The following PTK2B variants were observed in gnomAD, a reference collection of about 807,000 sequenced individuals.
PTK2B encodes the protein protein tyrosine kinase 2 beta.
A neutral mutation model predicts 142.9 loss-of-function variants in PTK2B; 71 were observed. That is an observed-to-expected ratio of 0.50 (90% CI 0.41 to 0.61). The LOEUF is 0.61. Among genes scored for constraint, PTK2B ranks in the 20% least tolerant of loss-of-function variants. The probability of loss-of-function intolerance (pLI) is 0.00; values close to 1 mark genes in which losing one functional copy is unlikely to be tolerated. For synonymous variants in PTK2B, 519 were observed against 503.4 expected (o/e 1.03, Z -0.42); for missense variants, 1,105 against 1,320.4 (o/e 0.84, Z 2.53).
intron 30 of PTK2B, 69 bp downstream of exon 30, chr8:27,454,680 C>G (rs775017300): frequency 2.1e-4 from 325 of 1,518,990 alleles, no homozygotes; most frequent in Non-Finnish European, 2.7e-4. Flanking sequence ...TCATTAGAGG[C>G]TCATGATGGC....
chr8:27,336,984 C>G (rs1804107608), intron 1 of PTK2B, among the ~76,000 whole-genome samples: 1 of 148,660 alleles, frequency 6.7e-6, no homozygotes. Context: ...GTCCCCCCTC[C>G]CCCCGCCACT....
At chr8:27,419,841 T>C (rs1445122127) in intron 2 of PTK2B, 54 bp from the exon 3 acceptor site, 4 of 1,582,494 alleles carry the variant, frequency 2.5e-6, no homozygotes, top group Non-Finnish European at 3.5e-6. Context: ...GTGAGAATTA[T>C]GGGAGCCCAA....
At chr8:27,401,145 C>T (rs1808362237) in intron 2 of PTK2B, among the ~76,000 whole-genome samples, 1 of 152,056 alleles carries the variant, frequency 6.6e-6, no homozygotes, top group East Asian at 1.9e-4. Context: ...TCTCAAAAAA[C>T]AAAGAGATCC....
intron 1 of PTK2B, among the ~76,000 whole-genome samples, chr8:27,362,260 T>C (rs1335880725): frequency 6.6e-6 from 1 of 152,038 alleles, no homozygotes; most frequent in Admixed American, 6.5e-5. Context: ...CTCTCTCCCC[T>C]AGGCTGACCT....
At chr8:27,383,566 T>C (rs1807160403) in intron 1 of PTK2B, among the ~76,000 whole-genome samples, 4 of 152,124 alleles carry the variant, frequency 2.6e-5, no homozygotes. Flanking sequence ...GCCTCCTCTG[T>C]TTCTTTCATC....
At chr8:27,451,547 G>C (rs756326360) in intron 27 of PTK2B, 38 bp downstream of exon 27, 2 of 1,613,776 alleles carry the variant, frequency 1.2e-6, no homozygotes, top group East Asian at 2.2e-5. Flanking sequence ...GTTTCCTCTT[G>C]GCACCTTGTG....
At chr8:27,338,432 G>T (rs1204078336) in intron 1 of PTK2B, among the ~76,000 whole-genome samples, 1 of 151,980 alleles carries the variant, frequency 6.6e-6, no homozygotes, top group Non-Finnish European at 1.5e-5. Context: ...AGACAAATTG[G>T]ATGCAATATA....
chr8:27,326,428 C>A (rs1803424114), intron 1 of PTK2B, among the ~76,000 whole-genome samples: 2 of 152,196 alleles, frequency 1.3e-5, no homozygotes, highest in Non-Finnish European at 2.9e-5. Flanking sequence ...CTGCCACCTG[C>A]CCTAAGCCTC....
chr8:27,317,643 A>G (rs1323969691), intron 3 of PTK2B, among the ~76,000 whole-genome samples: 4 of 152,160 alleles, frequency 2.6e-5, no homozygotes, highest in Non-Finnish European at 5.9e-5. Context: ...GGCTTCATTA[A>G]GCTTACTTTT....
chr8:27,409,886 T>A (rs571000940), intron 2 of PTK2B, among the ~76,000 whole-genome samples: 1 of 152,206 alleles, frequency 6.6e-6, no homozygotes, highest in African/African-American at 2.4e-5. Context: ...CATGCCAGGC[T>A]AATTTTTGTA....
intron 1 of PTK2B, among the ~76,000 whole-genome samples, chr8:27,366,596 G>A (rs530962629): frequency 5.3e-5 from 8 of 152,224 alleles, no homozygotes; most frequent in East Asian, 1.9e-4. Context: ...ACCACTTGGC[G>A]TCTAGCTCCC....
At chr8:27,326,824 C>G (rs2322720) in intron 1 of PTK2B, 1 of 152,344 alleles carries the variant, frequency 6.6e-6, no homozygotes, top group Non-Finnish European at 1.5e-5. Flanking sequence ...CTGCAGTCAT[C>G]CATTCAGGAG....
intron 2 of PTK2B, among the ~76,000 whole-genome samples, chr8:27,418,224 G>C (rs543315891): frequency 1.7e-4 from 26 of 152,318 alleles, no homozygotes; most frequent in African/African-American, 5.8e-4. Context: ...TTCAGGCTGA[G>C]GGTCTTCTAG....
chr8:27,433,506 G>T lies in PTK2B; in HGVS notation c.1059G>T (p.Arg353=). The T allele has an allele frequency of 6.2e-7, 1 of 1,614,218 alleles. No homozygotes were observed. The highest frequency in any genetic ancestry group is 8.5e-7 in the Non-Finnish European group (1 of 1,180,008). The change falls in exon 11 of 31, where the codon CGG becomes CGT. Residue 353 remains arginine (R), a synonymous_variant. Coordinates refer to ENST00000346049, the MANE Select transcript of PTK2B (RefSeq NM_173176.3). ...NMADLIDGYC[R]LQGEHQGSLI... The stretch of plus-strand genomic sequence containing the variant: ...CTGACCTCATAGACGGCTACTGCCG[G>T]CTGCAGGGTGAGCACCAAGGCTCTC...
intron 1 of PTK2B, among the ~76,000 whole-genome samples, chr8:27,355,848 C>G (rs1324159146): frequency 6.6e-6 from 1 of 152,128 alleles, no homozygotes; most frequent in East Asian, 1.9e-4. Flanking sequence ...ATAGTGAAAC[C>G]CTGTCTCTAC....
chr8:27,315,792 C>T (rs1803082078), intron 3 of PTK2B, among the ~76,000 whole-genome samples: 2 of 152,338 alleles, frequency 1.3e-5, no homozygotes, highest in Admixed American at 6.5e-5. Context: ...AGTCCAAGCT[C>T]TACCACTACC....
rs377518029 is a variant in PTK2B at position 27,450,739 on chromosome 8, G to A, written c.2341-10G>A. 84 of 1,613,950 alleles carry A rather than the reference G, an allele frequency of 5.2e-5. 1 individual carries two copies. The highest frequency in any genetic ancestry group is 1.2e-4 in the African/African-American group (9 of 74,914). On this transcript the variant is annotated splice_polypyrimidine_tract_variant and intron_variant, in intron 24 of 30. Coordinates refer to ENST00000346049, the MANE Select transcript of PTK2B (RefSeq NM_173176.3). ...TTGCATCCTCTCCCTTCTCTCTGCCGTCCTCCCAGGAGGAGGACTTCATCC... is the reference window on the plus strand; with the variant it reads ...TTGCATCCTCTCCCTTCTCTCTGCCATCCTCCCAGGAGGAGGACTTCATCC...
At chr8:27,404,070 T>A (rs1310908960) in intron 2 of PTK2B, among the ~76,000 whole-genome samples, 1 of 152,024 alleles carries the variant, frequency 6.6e-6, no homozygotes, top group Non-Finnish European at 1.5e-5. Flanking sequence ...GGGATGACTA[T>A]CCACAGTGCC....
chr8:27,456,719 A>G (rs1212748543), intron 30 of PTK2B, among the ~76,000 whole-genome samples: 1 of 152,268 alleles, frequency 6.6e-6, no homozygotes, highest in African/African-American at 2.4e-5. Flanking sequence ...CTCTTCTGCC[A>G]GTTAGCCACG....
Sources: gnomAD v4.1 joint callset for allele counts (sites outside exome capture counted in the v4.1 genomes callset) on GRCh38, gnomAD v4.1.1 for gene constraint, MANE v1.5 for transcripts, NCBI Gene and HGNC (gene_info 2026-07-23, HGNC 2026-07-21) for gene names.